The following TBCEL variants were observed in gnomAD, a reference collection of about 807,000 sequenced individuals.
TBCEL encodes tubulin folding cofactor E like.
In TBCEL, 15 loss-of-function variants were observed where a neutral mutation model predicts 44.2. The observed-to-expected ratio is 0.34, with a 90% CI of 0.23 to 0.52. TBCEL has a LOEUF of 0.52. TBCEL is among the 20% of genes least tolerant of loss of function. TBCEL has a pLI of 0.95. For missense variants in TBCEL, 319 were observed against 506.3 expected (o/e 0.63, Z 3.55); for synonymous variants, 171 against 185.4 (o/e 0.92, Z 0.63).
chr11:121,084,574 C>T (rs1008310799), intron 8 of TBCEL, among the ~76,000 whole-genome samples: 2 of 152,128 alleles, frequency 1.3e-5, no homozygotes, highest in Non-Finnish European at 2.9e-5. Context: ...GGTCACTTGT[C>T]TTCATGTCAT....
chr11:121,039,911 G>T (rs535774092), intron 2 of TBCEL, among the ~76,000 whole-genome samples: 1 of 152,270 alleles, frequency 6.6e-6, no homozygotes, highest in Admixed American at 6.5e-5. Flanking sequence ...GAATAGATAG[G>T]ATTGATTCGT....
intron 1 of TBCEL, among the ~76,000 whole-genome samples, chr11:121,031,094 C>T (rs1484759203): frequency 2.6e-5 from 4 of 152,144 alleles, no homozygotes; most frequent in Admixed American, 6.5e-5. Flanking sequence ...CTGCATTCCC[C>T]CCCACCGCAA....
chr11:121,086,162 G>A (rs1444531936), intron 8 of TBCEL, among the ~76,000 whole-genome samples: 3 of 151,912 alleles, frequency 2.0e-5, no homozygotes, highest in Non-Finnish European at 2.9e-5. Context: ...CTTTTCCTTT[G>A]TATTCCTTCC....
At chr11:121,075,293 G>A (rs188016524) in intron 8 of TBCEL, among the ~76,000 whole-genome samples, 10 of 152,052 alleles carry the variant, frequency 6.6e-5, no homozygotes, top group Admixed American at 3.9e-4. Context: ...ATGCAGTGGG[G>A]AAAAGACAGC....
At chr11:121,054,816 A>G (rs11218127) in intron 5 of TBCEL, 60,592 of 349,150 alleles carry the variant, frequency 0.17, 5,972 homozygotes, top group East Asian at 0.3. Context: ...TTATTTAAGC[A>G]CAAAAGTAAT....
At chr11:121,057,752 G>C in intron 6 of TBCEL, 1 of 363,170 alleles carries the variant, frequency 2.8e-6, no homozygotes, top group South Asian at 2.2e-5. Context: ...GTTTGTGTAA[G>C]TTATATGCAA....
chr11:121,081,261 A>G (rs1043159504), intron 8 of TBCEL, among the ~76,000 whole-genome samples: 2 of 151,902 alleles, frequency 1.3e-5, no homozygotes, highest in Non-Finnish European at 2.9e-5. Context: ...ATTTTTTTTT[A>G]CTTGTGATTG....
chr11:121,028,857 C>T lies in TBCEL; in HGVS notation c.-126+4566C>T, dbSNP rs186969495. ...GTTTAAAGTCATAAAGGTGTTTCCG[C>T]CTTCTTTAGAAGAATTGGTATCAAA... On this transcript the variant is annotated intron_variant, in intron 1 of 8. Transcript: ENST00000683345. 4.5e-3 allele frequency among the ~76,000 whole-genome samples: 689 copies of T among 152,284 alleles called. 5 individuals are homozygous for T. Among genetic ancestry groups the T allele is most frequent in the Middle Eastern group, 0.014 (4 of 294 alleles).
chr11:121,056,433 C>T (rs1945621955), intron 6 of TBCEL, among the ~76,000 whole-genome samples: 1 of 151,784 alleles, frequency 6.6e-6, no homozygotes, highest in Non-Finnish European at 1.5e-5. Context: ...ATGAATAAAG[C>T]TGCTGTAAAC....
intron 8 of TBCEL, among the ~76,000 whole-genome samples, chr11:121,085,318 G>C (rs937578740): frequency 1.3e-5 from 2 of 152,138 alleles, no homozygotes; most frequent in African/African-American, 4.8e-5. Flanking sequence ...GATTACAGGC[G>C]TGAGCCACCG....
chr11:121,066,538 C>A (rs984253456), intron 8 of TBCEL, among the ~76,000 whole-genome samples: 2 of 152,316 alleles, frequency 1.3e-5, no homozygotes, highest in South Asian at 4.1e-4. Flanking sequence ...GTTGTTGATA[C>A]AAGTCCCCTG....
At chr11:121,045,932 A>T in intron 3 of TBCEL, 109 bp downstream of exon 3, 1 of 1,200,492 alleles carries the variant, frequency 8.3e-7, no homozygotes, top group Non-Finnish European at 1.1e-6. Context: ...ATTACAGTCA[A>T]ATAGTCTTTC....
chr11:121,037,647 A>G (rs78461182), intron 2 of TBCEL, among the ~76,000 whole-genome samples: 2,145 of 152,310 alleles, frequency 0.014, 42 homozygotes, highest in African/African-American at 0.049. Flanking sequence ...TTCATGGACT[A>G]TTTAGCAAAA....
At chr11:121,032,264 C>G (rs568495042) in intron 1 of TBCEL, among the ~76,000 whole-genome samples, 75 of 152,228 alleles carry the variant, frequency 4.9e-4, no homozygotes, top group Admixed American at 9.8e-4. Flanking sequence ...TTTCTGGGCT[C>G]TGTTCTCTGT....
chr11:121,051,543 C>T (rs1945529199), intron 4 of TBCEL, among the ~76,000 whole-genome samples: 1 of 151,664 alleles, frequency 6.6e-6, no homozygotes, highest in Non-Finnish European at 1.5e-5. Context: ...GAATGCAGTA[C>T]AGATTGGTTC....
At chr11:121,026,276 G>C (rs1199686836) in intron 1 of TBCEL, among the ~76,000 whole-genome samples, 3 of 152,036 alleles carry the variant, frequency 2.0e-5, no homozygotes, top group Non-Finnish European at 2.9e-5. Context: ...TTTTAGGTGG[G>C]GTCCTTAGAA....
chr11:121,066,846 A>C (rs952388191), intron 8 of TBCEL, among the ~76,000 whole-genome samples: 2 of 152,228 alleles, frequency 1.3e-5, no homozygotes, highest in Non-Finnish European at 2.9e-5. Flanking sequence ...TTGACCCTCT[A>C]CATCATTCAG....
At chr11:121,076,286 A>G (rs1295070120) in intron 8 of TBCEL, among the ~76,000 whole-genome samples, 1 of 152,004 alleles carries the variant, frequency 6.6e-6, no homozygotes, top group African/African-American at 2.4e-5. Flanking sequence ...TTACATCTTA[A>G]TAATACTGAG....
chr11:121,052,152 T>A (rs946215874), intron 4 of TBCEL, among the ~76,000 whole-genome samples: 1 of 151,874 alleles, frequency 6.6e-6, no homozygotes, highest in African/African-American at 2.4e-5. Flanking sequence ...GTTCATATTA[T>A]GCTTATGTTC....
Sources: gnomAD v4.1 joint callset for allele counts (sites outside exome capture counted in the v4.1 genomes callset) on GRCh38, gnomAD v4.1.1 for gene constraint, MANE v1.5 for transcripts, NCBI Gene and HGNC (gene_info 2026-07-23, HGNC 2026-07-21) for gene names.